The following GALNTL6 variants were observed in gnomAD, a reference collection of about 807,000 sequenced individuals.
The protein encoded by GALNTL6 is polypeptide N-acetylgalactosaminyltransferase-like 6.
In GALNTL6, 46 loss-of-function variants were observed where a neutral mutation model predicts 73.7. The observed-to-expected ratio is 0.62, with a 90% CI of 0.49 to 0.80. The LOEUF (loss-of-function observed/expected upper bound fraction) is 0.80. Ranked by LOEUF, GALNTL6 falls within the 30% of genes least tolerant of loss-of-function variation. The probability of loss-of-function intolerance (pLI) is 0.00; values close to 1 mark genes in which losing one functional copy is unlikely to be tolerated. For missense variants in GALNTL6, 604 were observed against 755.0 expected, an observed-to-expected ratio of 0.80 and a Z score of 2.34; for synonymous variants, 259 against 263.7, an observed-to-expected ratio of 0.98 and a Z score of 0.17.
At chr4:172,704,005 A>G (rs921358857) in intron 5 of GALNTL6, among the ~76,000 whole-genome samples, 5 of 151,852 alleles carry the variant, frequency 3.3e-5, no homozygotes, top group Admixed American at 2.6e-4. Context: ...ATACTCTCTA[A>G]TGATCCTTTG....
chr4:172,477,333 A>G (rs1482995661), intron 5 of GALNTL6, among the ~76,000 whole-genome samples: 1 of 152,136 alleles, frequency 6.6e-6, no homozygotes, highest in Non-Finnish European at 1.5e-5. Flanking sequence ...AAAAGCAAAT[A>G]AAATTTAGGA....
intron 3 of GALNTL6, among the ~76,000 whole-genome samples, chr4:172,242,827 C>A (rs952052818): frequency 6.6e-6 from 1 of 152,232 alleles, no homozygotes; most frequent in Non-Finnish European, 1.5e-5. Context: ...GGTGCCCTCG[C>A]TGTTTATTGG....
rs566427577 is a variant in GALNTL6, at chr4:172,186,362, T to C, written c.139-43294T>C. On this transcript the variant is annotated intron_variant, in intron 2 of 12. Transcript: ENST00000506823. ...GTTTCAGCCACTGTAGAGAAAAGTT[T>C]AGCAGTTCTCCAAGATGGTAAACAC... Among the ~76,000 whole-genome samples, 6 of 152,258 alleles carry C rather than the reference T, an allele frequency of 3.9e-5. 1 individual carries two copies. In the South Asian group the frequency reaches 1.2e-3, roughly 32 times the overall value.
chr4:171,891,408 A>G (rs1289273830), intron 2 of GALNTL6, among the ~76,000 whole-genome samples: 2 of 152,220 alleles, frequency 1.3e-5, no homozygotes. Flanking sequence ...TTGAGGAAAG[A>G]ATGGACTTAA....
intron 3 of GALNTL6, among the ~76,000 whole-genome samples, chr4:172,305,516 A>C (rs186335960): frequency 6.6e-6 from 1 of 152,272 alleles, no homozygotes; most frequent in East Asian, 1.9e-4. Flanking sequence ...TTAGTGTTGA[A>C]ATAGATGTAG....
chr4:172,469,848 C>T (rs1732977478), intron 5 of GALNTL6, among the ~76,000 whole-genome samples: 1 of 152,124 alleles, frequency 6.6e-6, no homozygotes, highest in Non-Finnish European at 1.5e-5. Context: ...CATTGTACAG[C>T]AGTGATATGA....
chr4:172,216,035 T>A (rs1052149666), intron 2 of GALNTL6, among the ~76,000 whole-genome samples: 1 of 152,162 alleles, frequency 6.6e-6, no homozygotes, highest in East Asian at 1.9e-4. Flanking sequence ...ACACCCAATA[T>A]GTTGTTGCTA....
chr4:172,124,226 G>A (rs1733231740), intron 2 of GALNTL6, among the ~76,000 whole-genome samples: 2 of 152,158 alleles, frequency 1.3e-5, no homozygotes, highest in Admixed American at 6.5e-5. Context: ...ACCCATAAAT[G>A]TAATTGAAAG....
At chr4:172,831,807 G>A (rs7681059) in intron 7 of GALNTL6, among the ~76,000 whole-genome samples, 103,989 of 152,068 alleles carry the variant, frequency 0.68, 39,530 homozygotes, top group Non-Finnish European at 0.87. Flanking sequence ...CCCTTATTGA[G>A]GGAATAAAGA....
intron 4 of GALNTL6, among the ~76,000 whole-genome samples, chr4:172,332,937 G>A (rs1578964035): frequency 6.6e-6 from 1 of 152,072 alleles, no homozygotes; most frequent in East Asian, 1.9e-4. Context: ...ACAAAAGTTG[G>A]CTTTTCTCTA....
intron 10 of GALNTL6, among the ~76,000 whole-genome samples, chr4:172,977,970 G>C (rs1750897311): frequency 6.6e-6 from 1 of 152,122 alleles, no homozygotes; most frequent in Non-Finnish European, 1.5e-5. Context: ...CTCCTGAGTA[G>C]CTGGGATTAC....
At chr4:172,618,911 A>G (rs7661723) in intron 5 of GALNTL6, among the ~76,000 whole-genome samples, 54,073 of 151,726 alleles carry the variant, frequency 0.36, 10,386 homozygotes, top group Middle Eastern at 0.5. Context: ...TTTAATAAAG[A>G]CGGGGTTTCA....
intron 5 of GALNTL6, among the ~76,000 whole-genome samples, chr4:172,588,972 A>G (rs1737533569): frequency 6.6e-6 from 1 of 152,242 alleles, no homozygotes; most frequent in Non-Finnish European, 1.5e-5. Flanking sequence ...TTCTAAGCAA[A>G]TAAAATATTT....
intron 2 of GALNTL6, among the ~76,000 whole-genome samples, chr4:172,009,925 C>G (rs1020219234): frequency 2.6e-5 from 4 of 152,054 alleles, no homozygotes; most frequent in Non-Finnish European, 5.9e-5. Context: ...CTGTGTGAAC[C>G]TTCTGGTGTT....
chr4:172,325,200 A>G (rs2111170757), intron 4 of GALNTL6, among the ~76,000 whole-genome samples: 1 of 152,104 alleles, frequency 6.6e-6, no homozygotes, highest in Non-Finnish European at 1.5e-5. Context: ...ATGAAGGAAT[A>G]TTATAACCAT....
intron 2 of GALNTL6, among the ~76,000 whole-genome samples, chr4:172,108,400 G>A (rs1392261212): frequency 6.6e-6 from 1 of 152,180 alleles, no homozygotes; most frequent in Non-Finnish European, 1.5e-5. Flanking sequence ...TCCAAGGTCA[G>A]AAAGACCCAG....
chr4:172,655,067 C>A (rs539557336), intron 5 of GALNTL6, among the ~76,000 whole-genome samples: 4 of 152,208 alleles, frequency 2.6e-5, no homozygotes, highest in South Asian at 2.1e-4. Flanking sequence ...CTATGAGGAT[C>A]AATACAATTC....
intron 2 of GALNTL6, among the ~76,000 whole-genome samples, chr4:171,938,197 T>C (rs1162312600): frequency 6.6e-6 from 1 of 152,150 alleles, no homozygotes; most frequent in African/African-American, 2.4e-5. Flanking sequence ...TCTTTTCCAA[T>C]GCCTGCTTAG....
chr4:172,266,521 T>C (rs1738457862), intron 3 of GALNTL6, among the ~76,000 whole-genome samples: 1 of 152,148 alleles, frequency 6.6e-6, no homozygotes, highest in Non-Finnish European at 1.5e-5. Flanking sequence ...ATAATTCTTA[T>C]TATGTTTTAA....
Sources: allele counts gnomAD v4.1 joint callset (sites outside exome capture counted in the v4.1 genomes callset), GRCh38; gene constraint gnomAD v4.1.1; transcripts MANE v1.5; gene names NCBI Gene and HGNC (gene_info 2026-07-23, HGNC 2026-07-21).